TRIO: variants seen among roughly 807,000 people sequenced by gnomAD.
The protein encoded by TRIO is triple functional domain protein.
In TRIO, 58 loss-of-function variants were observed where a neutral mutation model predicts 351.9. The ratio of observed to expected loss-of-function variants is 0.16; its 90% CI spans 0.13 to 0.21. The LOEUF is 0.21. TRIO is among the 10% of genes least tolerant of loss of function. TRIO has a pLI of 1.00. For missense variants in TRIO, 3,201 were observed against 4,027.8 expected, an observed-to-expected ratio of 0.79 and a Z score of 5.56; for synonymous variants, 1,758 against 1,595.7, an observed-to-expected ratio of 1.10 and a Z score of -2.42.
At chr5:14,342,606 C>G (rs114928605) in intron 11 of TRIO, among the ~76,000 whole-genome samples, 1 of 152,218 alleles carries the variant, frequency 6.6e-6, no homozygotes, top group Non-Finnish European at 1.5e-5. Context: ...CTCTCATGCG[C>G]CCTGGATTCC....
In TRIO at chr5:14,461,146, C is replaced by T. The variant is rs200595562; in HGVS notation, c.5331C>T (p.Leu1777=). ...KRPGNTLRKW[L]TSPVRRLSSG... ...CGGGCAACACCCTGCGCAAGTGGCT[C>T]ACCAGCCCCGTGCGGCGGCTCAGCA... Residue 1777 remains leucine (L), a synonymous_variant, in exon 35 of 57, where the codon CTC becomes CTT. Transcript: ENST00000344204. 429 of 1,556,146 alleles carry T rather than the reference C, an allele frequency of 2.8e-4. 2 individuals carry two copies. In the African/African-American group the frequency reaches 5.1e-3, roughly 19 times the overall value.
intron 1 of TRIO, among the ~76,000 whole-genome samples, chr5:14,167,936 A>G (rs957248874): frequency 1.3e-5 from 2 of 152,222 alleles, no homozygotes; most frequent in East Asian, 1.9e-4. Context: ...TTTTTAATCT[A>G]TATATCAGAA....
At chr5:14,358,070 C>T in intron 11 of TRIO, 108 bp from the exon 12 acceptor site, 1 of 1,379,426 alleles carries the variant, frequency 7.2e-7, no homozygotes. Flanking sequence ...CCAGTCCCCT[C>T]CCAGGGCAAG....
chr5:14,405,155 A>G (rs1474952863), intron 31 of TRIO, among the ~76,000 whole-genome samples: 4 of 151,912 alleles, frequency 2.6e-5, no homozygotes, highest in African/African-American at 9.7e-5. Flanking sequence ...CTTGCTGACA[A>G]TCTAGTCTGT....
intron 1 of TRIO, among the ~76,000 whole-genome samples, chr5:14,242,370 T>G (rs1203050855): frequency 6.6e-6 from 1 of 152,274 alleles, no homozygotes; most frequent in African/African-American, 2.4e-5. Flanking sequence ...AGATCATTTC[T>G]GTGAAACACA....
chr5:14,356,695 A>G (rs1362182054), intron 11 of TRIO, among the ~76,000 whole-genome samples: 1 of 152,204 alleles, frequency 6.6e-6, no homozygotes, highest in Non-Finnish European at 1.5e-5. Flanking sequence ...CTTTATTTGT[A>G]GTGGCTCCAA....
At chr5:14,262,243 G>A (rs1353983659) in intron 1 of TRIO, among the ~76,000 whole-genome samples, 32 of 152,080 alleles carry the variant, frequency 2.1e-4, no homozygotes, top group Non-Finnish European at 4.4e-5. Context: ...GGTGTTGTGG[G>A]AGTGCATCTT....
chr5:14,296,523 A>G (rs1360647854), intron 6 of TRIO, among the ~76,000 whole-genome samples: 1 of 152,212 alleles, frequency 6.6e-6, no homozygotes, highest in Non-Finnish European at 1.5e-5. Flanking sequence ...TTTTACTGCA[A>G]TTCATATTCC....
intron 33 of TRIO, 103 bp downstream of exon 33, chr5:14,406,775 C>G: frequency 8.3e-7 from 1 of 1,205,166 alleles, no homozygotes; most frequent in Non-Finnish European, 1.2e-6. Flanking sequence ...TCAACATTTT[C>G]AAGCAGTTGA....
chr5:14,145,823 C>T (rs894718643), intron 1 of TRIO, among the ~76,000 whole-genome samples: 1 of 152,214 alleles, frequency 6.6e-6, no homozygotes, highest in Non-Finnish European at 1.5e-5. Context: ...GCGTGGCTCT[C>T]TCCAGGAGTT....
In TRIO at chr5:14,184,948, G is replaced by T. The variant is rs556862147; in HGVS notation, c.157+41066G>T. The stretch of plus-strand genomic sequence containing the variant: ...CAAAATCGGGCTCCTCCTTGGAGCA[G>T]CATACTTGGTGCCAGGCTTGGGTGG... On this transcript the variant is annotated intron_variant, in intron 1 of 56. Transcript: ENST00000344204. Among the ~76,000 whole-genome samples, 3 of 152,272 alleles carry T rather than the reference G, an allele frequency of 2.0e-5. No homozygotes were observed. The South Asian group carries it at 6.2e-4, about 32-fold the overall frequency.
chr5:14,480,024 C>A lies in TRIO; in HGVS notation c.6336+13C>A, dbSNP rs377453631. ...GCTGTTACTGAAGGTGAGGAGGTGG[C>A]GGGACAAACTCTGGTGTCAGGAGTG... On this transcript the variant is annotated intron_variant, in intron 43 of 56. Transcript: ENST00000344204. 6.2e-7 allele frequency: 1 copy of A among 1,612,310 alleles called. No homozygotes were observed. Among genetic ancestry groups the A allele is most frequent in the East Asian group, 2.2e-5 (1 of 44,868 alleles).
chr5:14,489,097 T>A (rs1297708619), intron 48 of TRIO: 7 of 759,960 alleles, frequency 9.2e-6, no homozygotes, highest in Non-Finnish European at 1.7e-5. Context: ...TTCTAATGAG[T>A]GTATGTTTGA....
At chr5:14,442,286 C>G (rs1483784124) in intron 34 of TRIO, among the ~76,000 whole-genome samples, 1 of 152,102 alleles carries the variant, frequency 6.6e-6, no homozygotes, top group African/African-American at 2.4e-5. Context: ...ACGCAGAGAG[C>G]CAAGGGGATT....
chr5:14,394,167 G>C (rs777133470), intron 28 of TRIO, 37 bp downstream of exon 28: 2 of 1,359,408 alleles, frequency 1.5e-6, no homozygotes, highest in Non-Finnish European at 2.1e-6. Flanking sequence ...GAAATTTTAT[G>C]AATTATGTAT....
intron 1 of TRIO, among the ~76,000 whole-genome samples, chr5:14,148,497 A>G (rs754853530): frequency 3.9e-5 from 6 of 152,136 alleles, no homozygotes. Context: ...TGCCTAGTAA[A>G]CTCACTGATA....
At chr5:14,493,145 A>G (rs763022677) in intron 49 of TRIO, among the ~76,000 whole-genome samples, 2 of 152,188 alleles carry the variant, frequency 1.3e-5, no homozygotes, top group Non-Finnish European at 2.9e-5. Flanking sequence ...AGGGGAAAAT[A>G]TCCCCTATCT....
At position 14,508,611 on chromosome 5, in the gene TRIO, G is replaced by T; in HGVS notation, c.*189G>T. 1 of 669,822 alleles carries T rather than the reference G, an allele frequency of 1.5e-6. No homozygotes were observed. The highest frequency in any genetic ancestry group is 4.0e-4 in the Middle Eastern group (1 of 2,494). 41.5% of individuals were successfully genotyped at this position (669,822 alleles called of 1,614,324 possible). A position where few individuals can be genotyped will look rare whatever the true frequency, so the allele number is the denominator to read the frequency against. On this transcript the variant is annotated 3_prime_UTR_variant, in exon 57 of 57. Coordinates refer to ENST00000344204, the MANE Select transcript of TRIO (RefSeq NM_007118.4). ...GCAAGCTGCGCTGGGGTGGAGGACC[G>T]TCACTTACACTCTGCCCAAGGCAGA...
intron 11 of TRIO, among the ~76,000 whole-genome samples, chr5:14,346,672 G>C (rs753791145): frequency 2.0e-5 from 3 of 152,208 alleles, no homozygotes; most frequent in Admixed American, 6.5e-5. Flanking sequence ...TTCTCTACTA[G>C]GTTTCTGGCT....
Sources: gnomAD v4.1 joint callset for allele counts (sites outside exome capture counted in the v4.1 genomes callset) on GRCh38, gnomAD v4.1.1 for gene constraint, MANE v1.5 for transcripts, NCBI Gene and HGNC (gene_info 2026-07-23, HGNC 2026-07-21) for gene names.